GPATCH2L: variants seen among roughly 807,000 people sequenced by gnomAD.
The protein encoded by GPATCH2L is G-patch domain containing 2 like.
GPATCH2L carries 31 observed loss-of-function variants against 57.4 expected under a neutral mutation model. The observed-to-expected ratio is 0.54, with a 90% CI of 0.41 to 0.73. The LOEUF (loss-of-function observed/expected upper bound fraction) is 0.73. Among genes scored for constraint, GPATCH2L ranks in the 30% least tolerant of loss-of-function variants. GPATCH2L has a pLI of 0.00. For missense variants in GPATCH2L, 481 were observed against 599.9 expected (o/e 0.80, Z 2.07); for synonymous variants, 199 against 210.7 (o/e 0.94, Z 0.48).
In GPATCH2L at chr14:76,202,528, C is replaced by T. The variant is rs566070899; in HGVS notation, c.*677C>T. ...GAGTTTATGTTCTACTGAAAGAGGA[C>T]GTGTGTATACACACACACACACACA... On this transcript the variant is annotated 3_prime_UTR_variant, in exon 10 of 10. Coordinates refer to ENST00000261530, the MANE Select transcript of GPATCH2L (RefSeq NM_017926.4). The T allele has an allele frequency of 1.3e-4, 12 of 91,294 alleles. No homozygotes were observed. The highest frequency in any genetic ancestry group is 1.3e-3 in the South Asian group (3 of 2,292). The allele number at this position is 91,294 out of a possible 1,614,324, so 5.7% of individuals were successfully genotyped here.
At chr14:76,162,820 G>C (rs1014750243) in intron 2 of GPATCH2L, among the ~76,000 whole-genome samples, 5 of 152,164 alleles carry the variant, frequency 3.3e-5, no homozygotes, top group African/African-American at 1.2e-4. Flanking sequence ...GCATTAAGGA[G>C]GAGAGCTTCT....
At chr14:76,193,937 G>T (rs2040065595) in intron 8 of GPATCH2L, among the ~76,000 whole-genome samples, 1 of 152,140 alleles carries the variant, frequency 6.6e-6, no homozygotes, top group South Asian at 2.1e-4. Flanking sequence ...GTCTCAGTTT[G>T]GGTATGTACT....
At chr14:76,235,179 A>AG (rs2040592994) in intron 2 of GPATCH2L, among the ~76,000 whole-genome samples, 1 of 151,878 alleles carries the variant, frequency 6.6e-6, no homozygotes, top group South Asian at 2.1e-4. Flanking sequence ...AAAAAAAAAA[A>AG]AAAAAGAAAA....
chr14:76,183,135 T>C lies in GPATCH2L; in HGVS notation c.1193+2286T>C, dbSNP rs2039637990. ...CCTGTTTCCTTTAAAAGCCTTATCC[T>C]GTGGCTGGACTAGGCATCAGCTTCT... is the stretch of plus-strand genomic sequence containing the variant. On this transcript the variant is annotated intron_variant, in intron 8 of 9. Coordinates refer to ENST00000261530, the MANE Select transcript of GPATCH2L (RefSeq NM_017926.4). Among the ~76,000 whole-genome samples, 3 of 152,246 alleles carry C rather than the reference T, an allele frequency of 2.0e-5. No individual in the cohort carries two copies. The South Asian group carries it at 6.2e-4, about 31-fold the overall frequency.
At chr14:76,222,434 C>T (rs908917978) in intron 1 of GPATCH2L, among the ~76,000 whole-genome samples, 2 of 151,930 alleles carry the variant, frequency 1.3e-5, no homozygotes, top group Non-Finnish European at 1.5e-5. Context: ...TGTAAAACCC[C>T]GTCTCTACTA....
At chr14:76,200,803 C>T (rs1022276446) in intron 9 of GPATCH2L, among the ~76,000 whole-genome samples, 3 of 152,024 alleles carry the variant, frequency 2.0e-5, no homozygotes, top group East Asian at 3.8e-4. Flanking sequence ...TTTTAGGTTA[C>T]GTTTCTGGGA....
intron 3 of GPATCH2L, among the ~76,000 whole-genome samples, chr14:76,171,340 C>G (rs969270302): frequency 6.6e-6 from 1 of 151,410 alleles, no homozygotes; most frequent in African/African-American, 2.4e-5. Context: ...TTTGGGAGGC[C>G]GAGGCGGGTG....
intron 3 of GPATCH2L, among the ~76,000 whole-genome samples, chr14:76,168,442 C>A (rs758920788): frequency 6.6e-6 from 1 of 152,216 alleles, no homozygotes; most frequent in Non-Finnish European, 1.5e-5. Context: ...TTACCATACT[C>A]ATTTCTTGCT....
chr14:76,204,052 T>C lies in GPATCH2L; in HGVS notation c.*2201T>C, dbSNP rs2040348062. On this transcript the variant is annotated 3_prime_UTR_variant, in exon 10 of 10. Transcript: ENST00000261530. Reference sequence around the variant, plus strand: ...TACAACATTATTTACATTTCAAACATCTCTACGAAGTCATGCCATTTTAAG... The same window carrying C: ...TACAACATTATTTACATTTCAAACACCTCTACGAAGTCATGCCATTTTAAG... The C allele has an allele frequency of 6.6e-6, 1 of 152,154 alleles. No homozygotes were observed. Among genetic ancestry groups the C allele is most frequent in the African/African-American group, 2.4e-5 (1 of 41,446 alleles). 9.4% of individuals were successfully genotyped at this position (152,154 alleles called of 1,614,324 possible).
At chr14:76,177,558 G>T (rs1398374181) in intron 6 of GPATCH2L, among the ~76,000 whole-genome samples, 1 of 151,876 alleles carries the variant, frequency 6.6e-6, no homozygotes, top group Non-Finnish European at 1.5e-5. Context: ...TAAAGATGTG[G>T]GTGTGGTTTA....
chr14:76,192,404 A>G (rs1007419853), intron 8 of GPATCH2L, among the ~76,000 whole-genome samples: 6 of 152,120 alleles, frequency 3.9e-5, no homozygotes, highest in African/African-American at 1.4e-4. Context: ...GTCCTCATAT[A>G]CTGACAGCGA....
rs2040414373 is a variant in GPATCH2L, at chr14:76,209,290, T to A, written c.*7439T>A. The A allele has an allele frequency of 6.6e-6, 1 of 152,256 alleles. No individual in the cohort carries two copies. Among genetic ancestry groups the A allele is most frequent in the Non-Finnish European group, 1.5e-5 (1 of 68,088 alleles). 9.4% of individuals were successfully genotyped at this position (152,256 alleles called of 1,614,324 possible). On this transcript the variant is annotated 3_prime_UTR_variant, in exon 10 of 10. Transcript: ENST00000261530. Reference sequence around the variant, plus strand: ...CAGTGAACACCTGTATGCCAGTGAGTTCCTTTGCCATACCACCTTAATGCA... The same window carrying A: ...CAGTGAACACCTGTATGCCAGTGAGATCCTTTGCCATACCACCTTAATGCA...
chr14:76,177,999 C>A lies in GPATCH2L; in HGVS notation c.1064C>A (p.Ala355Glu). The part of the protein sequence containing the change: ...SDPRQKEKNK[A>E]LASDFPHISA... ...TTCCTTTTCTTTAGAAAGAATAAAG[C>A]GTTGGCTTCTGATTTTCCTCACATT... Residue 355 changes from alanine (A) to glutamate (E), a missense_variant, in exon 7 of 10, where the codon GCG becomes GAG. This residue lies in a region of GPATCH2L where 248 missense variants were observed against 270.5 expected (regional missense o/e 0.92). Coordinates refer to ENST00000261530, the MANE Select transcript of GPATCH2L (RefSeq NM_017926.4). 6.2e-7 allele frequency: 1 copy of A among 1,603,834 alleles called. No individual in the cohort carries two copies. The highest frequency in any genetic ancestry group is 1.3e-5 in the African/African-American group (1 of 74,794).
chr14:76,218,779 C>A (rs2040500619), downstream of GPATCH2L, among the ~76,000 whole-genome samples: 1 of 151,344 alleles, frequency 6.6e-6, no homozygotes, highest in Non-Finnish European at 1.5e-5. Flanking sequence ...ATGAGTGGAA[C>A]AGAACAGTTC....
At chr14:76,193,985 T>G (rs1302662964) in intron 8 of GPATCH2L, among the ~76,000 whole-genome samples, 3 of 152,170 alleles carry the variant, frequency 2.0e-5, no homozygotes. Context: ...ATGCTCTATG[T>G]GTTCTACATT....
chr14:76,225,015 A>G (rs890895387), intron 1 of GPATCH2L, among the ~76,000 whole-genome samples: 1 of 152,194 alleles, frequency 6.6e-6, no homozygotes, highest in Non-Finnish European at 1.5e-5. Flanking sequence ...GTATTCATGA[A>G]TTGAAAGCCT....
rs143292257 is a variant in GPATCH2L at position 76,177,998 on chromosome 14, G to A, written c.1063G>A (p.Ala355Thr). The stretch of plus-strand genomic sequence containing the variant: ...TTTCCTTTTCTTTAGAAAGAATAAA[G>A]CGTTGGCTTCTGATTTTCCTCACAT... ...SDPRQKEKNK[A>T]LASDFPHISA... is the part of the protein sequence containing the mutation. The change falls in exon 7 of 10, where the codon GCG becomes ACG. Residue 355 changes from alanine (A) to threonine (T), a missense_variant. This residue lies in a region of GPATCH2L where 248 missense variants were observed against 270.5 expected (regional missense o/e 0.92). Transcript: ENST00000261530. 331 of 1,605,330 alleles carry A rather than the reference G, an allele frequency of 2.1e-4. 1 individual carries two copies. The African/African-American group carries it at 4.0e-3, about 19-fold the overall frequency.
chr14:76,227,193 TG>T (rs1566829043), intron 1 of GPATCH2L, among the ~76,000 whole-genome samples: 2 of 152,248 alleles, frequency 1.3e-5, no homozygotes, highest in African/African-American at 4.8e-5. Flanking sequence ...TTCTCCACGT[TG>T]TTTGAAAAGA....
chr14:76,172,061 CT>C, intron 4 of GPATCH2L, 42 bp downstream of exon 4: 1 of 1,330,816 alleles, frequency 7.5e-7, no homozygotes, highest in East Asian at 2.5e-5. Context: ...TTTTATGGTT[CT>C]CCTTGGGCAG....
Sources: gnomAD v4.1 joint callset for allele counts (sites outside exome capture counted in the v4.1 genomes callset) on GRCh38, gnomAD v4.1.1 for gene constraint, gnomAD v4.1.1 regional missense constraint, MANE v1.5 for transcripts, NCBI Gene and HGNC (gene_info 2026-07-23, HGNC 2026-07-21) for gene names.